ROBO2: variants seen among roughly 807,000 people sequenced by gnomAD.
ROBO2 encodes roundabout guidance receptor 2.
A neutral mutation model predicts 160.8 loss-of-function variants in ROBO2; 53 were observed. The observed-to-expected ratio is 0.33, with a 90% CI of 0.26 to 0.41. The LOEUF is 0.41. Ranked by LOEUF, ROBO2 falls within the 10% of genes least tolerant of loss-of-function variation. ROBO2 has a pLI of 1.00. For missense variants in ROBO2, 1,577 were observed against 1,722.4 expected, an observed-to-expected ratio of 0.92 and a Z score of 1.49; for synonymous variants, 664 against 611.7, an observed-to-expected ratio of 1.09 and a Z score of -1.26.
intron 2 of ROBO2, among the ~76,000 whole-genome samples, chr3:76,456,583 T>A (rs977998794): frequency 6.6e-6 from 1 of 152,168 alleles, no homozygotes; most frequent in Non-Finnish European, 1.5e-5. Flanking sequence ...CCAGTTGGCA[T>A]ATGAATCACA....
chr3:76,169,653 A>G (rs1379923744), intron 2 of ROBO2, among the ~76,000 whole-genome samples: 1 of 152,206 alleles, frequency 6.6e-6, no homozygotes, highest in African/African-American at 2.4e-5. Flanking sequence ...AATCATTGAT[A>G]ATAATAAATA....
At chr3:76,322,086 A>G (rs1045247778) in intron 2 of ROBO2, among the ~76,000 whole-genome samples, 3 of 149,018 alleles carry the variant, frequency 2.0e-5, no homozygotes, top group African/African-American at 7.5e-5. Context: ...TCCTGAAACT[A>G]TTTACTTGCC....
intron 2 of ROBO2, among the ~76,000 whole-genome samples, chr3:76,995,433 C>T (rs2060942986): frequency 6.6e-6 from 1 of 152,074 alleles, no homozygotes; most frequent in African/African-American, 2.4e-5. Flanking sequence ...GTCTTTACAG[C>T]AGCATGTTTT....
intron 2 of ROBO2, among the ~76,000 whole-genome samples, chr3:75,995,301 C>T (rs1452253091): frequency 6.6e-6 from 1 of 152,112 alleles, no homozygotes; most frequent in Non-Finnish European, 1.5e-5. Flanking sequence ...CTGCCGTGTA[C>T]AGTCTCAGGG....
intron 2 of ROBO2, among the ~76,000 whole-genome samples, chr3:77,384,350 C>T (rs2073881461): frequency 6.6e-6 from 1 of 152,138 alleles, no homozygotes; most frequent in African/African-American, 2.4e-5. Context: ...AGAATCTTCC[C>T]AGCAAGTCCA....
intron 2 of ROBO2, among the ~76,000 whole-genome samples, chr3:75,962,713 T>G (rs1948963664): frequency 6.6e-6 from 1 of 151,224 alleles, no homozygotes; most frequent in Non-Finnish European, 1.5e-5. Flanking sequence ...CAGTCTGTAT[T>G]TTTTTCTTTT....
chr3:76,055,786 G>A (rs1470023825), intron 2 of ROBO2, among the ~76,000 whole-genome samples: 1 of 151,908 alleles, frequency 6.6e-6, no homozygotes, highest in African/African-American at 2.4e-5. Context: ...TTGAGACGGA[G>A]TCTCGCTCTG....
At chr3:76,728,813 T>C (rs1411044201) in intron 2 of ROBO2, among the ~76,000 whole-genome samples, 3 of 152,208 alleles carry the variant, frequency 2.0e-5, no homozygotes, top group African/African-American at 7.2e-5. Flanking sequence ...GCTAAAAATG[T>C]GCCAGAGGGC....
At chr3:76,234,534 C>T (rs1704818954) in intron 2 of ROBO2, among the ~76,000 whole-genome samples, 3 of 152,202 alleles carry the variant, frequency 2.0e-5, no homozygotes, top group Admixed American at 2.0e-4. Flanking sequence ...TCCACAACCT[C>T]ACCAGCAACT....
intron 2 of ROBO2, among the ~76,000 whole-genome samples, chr3:76,093,578 T>A (rs2069321595): frequency 6.7e-6 from 1 of 149,942 alleles, no homozygotes; most frequent in African/African-American, 2.4e-5. Flanking sequence ...TTATATAAAT[T>A]GCTTGGAATG....
intron 2 of ROBO2, among the ~76,000 whole-genome samples, chr3:77,394,544 G>A (rs753101791): frequency 2.6e-5 from 4 of 152,058 alleles, no homozygotes; most frequent in East Asian, 3.9e-4. Flanking sequence ...TGAGTTTTGC[G>A]TCTTCATTTC....
intron 2 of ROBO2, among the ~76,000 whole-genome samples, chr3:76,441,410 T>C (rs958094922): frequency 6.6e-6 from 1 of 152,144 alleles, no homozygotes; most frequent in Admixed American, 6.6e-5. Context: ...ATAAAGAAAC[T>C]GTTGGTCGAA....
intron 2 of ROBO2, among the ~76,000 whole-genome samples, chr3:75,992,325 G>A (rs595189): frequency 6.6e-6 from 1 of 151,874 alleles, no homozygotes; most frequent in African/African-American, 2.4e-5. Context: ...CTAGGGACTT[G>A]GTGCCCTGTA....
At chr3:77,150,044 C>A (rs973183236) in intron 2 of ROBO2, among the ~76,000 whole-genome samples, 1 of 151,982 alleles carries the variant, frequency 6.6e-6, no homozygotes, top group Non-Finnish European at 1.5e-5. Flanking sequence ...TCCTTTTCTG[C>A]AGATACATGA....
intron 1 of ROBO2, among the ~76,000 whole-genome samples, chr3:77,041,870 A>G (rs2064137358): frequency 1.3e-5 from 2 of 152,142 alleles, no homozygotes; most frequent in African/African-American, 4.8e-5. Context: ...TAAAGAACCT[A>G]AAGGGTATTA....
intron 2 of ROBO2, among the ~76,000 whole-genome samples, chr3:76,702,687 A>G (rs1185500775): frequency 6.6e-6 from 1 of 152,082 alleles, no homozygotes; most frequent in Non-Finnish European, 1.5e-5. Context: ...TAATAATAAT[A>G]AAGATTTGAA....
chr3:76,694,551 T>A (rs1210507795), intron 2 of ROBO2, among the ~76,000 whole-genome samples: 1 of 152,146 alleles, frequency 6.6e-6, no homozygotes, highest in East Asian at 1.9e-4. Context: ...TGTAGACACT[T>A]TATAATGTTT....
rs200783298 is a variant in ROBO2 at position 77,607,916 on chromosome 3, G to A, written c.3255G>A (p.Thr1085=). Residue 1085 remains threonine (T), a synonymous_variant, in exon 21 of 26, where the codon ACG becomes ACA. Transcript: ENST00000461745. Reference sequence around the variant, plus strand: ...CCCCAGTCCAGCCCCTTCCTGGCACGGAGCTGGAACACTATGCAGTGGAAC... The same window carrying A: ...CCCCAGTCCAGCCCCTTCCTGGCACAGAGCTGGAACACTATGCAGTGGAAC... The A allele has an allele frequency of 1.4e-4, 227 of 1,613,680 alleles. 2 individuals carry two copies. In the Admixed American group the frequency reaches 1.8e-3, roughly 13 times the overall value.
chr3:76,609,502 C>T (rs746228325), intron 2 of ROBO2, among the ~76,000 whole-genome samples: 1 of 150,680 alleles, frequency 6.6e-6, no homozygotes. Context: ...AATTGCTCTT[C>T]GATTTTTTTT....
Sources: allele counts gnomAD v4.1 joint callset (sites outside exome capture counted in the v4.1 genomes callset), GRCh38; gene constraint gnomAD v4.1.1; transcripts MANE v1.5; gene names NCBI Gene and HGNC (gene_info 2026-07-23, HGNC 2026-07-21).